The following PARP12 variants were observed in gnomAD, a reference collection of about 807,000 sequenced individuals.
The protein encoded by PARP12 is protein mono-ADP-ribosyltransferase PARP12.
PARP12 carries 59 observed loss-of-function variants against 72.4 expected under a neutral mutation model. That is an observed-to-expected ratio of 0.81 (90% confidence interval 0.66 to 1.01). The LOEUF (loss-of-function observed/expected upper bound fraction) is 1.01. Ranked by LOEUF, PARP12 falls within the 50% of genes least tolerant of loss-of-function variation. The probability of loss-of-function intolerance (pLI) is 0.00; values close to 1 mark genes in which losing one functional copy is unlikely to be tolerated. For synonymous variants in PARP12, 403 were observed against 371.4 expected, an observed-to-expected ratio of 1.09 and a Z score of -0.98; for missense variants, 851 against 914.0, an observed-to-expected ratio of 0.93 and a Z score of 0.89.
intron 4 of PARP12, among the ~76,000 whole-genome samples, chr7:140,047,908 A>G (rs1447096405): frequency 2.6e-5 from 4 of 152,154 alleles, no homozygotes; most frequent in African/African-American, 9.7e-5. Context: ...GAGCCACCAC[A>G]CCTGGCAATT....
chr7:140,046,833 T>TGTGTGTGTCA (rs1554514730), intron 5 of PARP12, 51 bp downstream of exon 5: 27,997 of 1,180,282 alleles, frequency 0.024, 1,549 homozygotes, highest in East Asian at 0.12. Flanking sequence ...TGTGTGTGTG[T>TGTGTGTGTCA]CACACACAGA....
chr7:140,030,576 C>T (rs945581856), intron 8 of PARP12, among the ~76,000 whole-genome samples: 4 of 152,196 alleles, frequency 2.6e-5, no homozygotes, highest in Non-Finnish European at 4.4e-5. Context: ...CTGGCCTGGG[C>T]GACAGTGCGA....
intron 2 of PARP12, 125 bp from the exon 3 acceptor site, chr7:140,057,278 A>G (rs1322729808): frequency 1.1e-6 from 1 of 894,332 alleles, no homozygotes; most frequent in Non-Finnish European, 1.7e-6. Context: ...CACACAGAAC[A>G]CAGCTATTAC....
chr7:140,034,186 C>T, intron 8 of PARP12, 49 bp downstream of exon 8: 1 of 1,593,292 alleles, frequency 6.3e-7, no homozygotes, highest in East Asian at 2.3e-5. Context: ...CTGCAGAGCA[C>T]ACCCCAGCTG....
At chr7:140,045,742 T>C (rs988021514) in intron 5 of PARP12, among the ~76,000 whole-genome samples, 1 of 152,114 alleles carries the variant, frequency 6.6e-6, no homozygotes, top group Admixed American at 6.5e-5. Context: ...AAAAGAAATA[T>C]ACAAAAAGTG....
chr7:140,053,327 C>T (rs956147740), intron 4 of PARP12, among the ~76,000 whole-genome samples: 7 of 152,066 alleles, frequency 4.6e-5, no homozygotes, highest in African/African-American at 1.7e-4. Flanking sequence ...ATGAGAGAAG[C>T]CAGGCACAAG....
intron 4 of PARP12, among the ~76,000 whole-genome samples, chr7:140,048,642 C>T (rs1036465727): frequency 1.3e-5 from 2 of 152,184 alleles, no homozygotes; most frequent in African/African-American, 2.4e-5. Flanking sequence ...CACACATGCA[C>T]ATATTATTTC....
chr7:140,041,940 G>C, intron 5 of PARP12, 101 bp from the exon 6 acceptor site: 2 of 1,015,812 alleles, frequency 2.0e-6, no homozygotes, highest in Non-Finnish European at 2.9e-6. Flanking sequence ...AATAGTAAAT[G>C]TGGCATGCAC....
rs1439451405 is a variant in PARP12, at chr7:140,057,082, G to A, written c.534C>T (p.Leu178=). 10 of 1,614,160 alleles carry A rather than the reference G, an allele frequency of 6.2e-6. No individual in the cohort carries two copies. Among genetic ancestry groups the A allele is most frequent in the Non-Finnish European group, 8.5e-6 (10 of 1,180,036 alleles). Residue 178 remains leucine, a synonymous_variant, in exon 3 of 12, where the codon CTC becomes CTT. Coordinates refer to ENST00000263549, the MANE Select transcript of PARP12 (RefSeq NM_022750.4). ...SCAFQKQCIK[L]HICQYFLQGE... is the part of the protein sequence containing the mutation. ...CCTGTAAAAAATACTGGCAGATATG[G>A]AGCTTGATGCACTGCTTTTGAAAGG...
chr7:140,057,833 T>C, intron 2 of PARP12, 66 bp downstream of exon 2: 1 of 1,592,200 alleles, frequency 6.3e-7, no homozygotes, highest in Non-Finnish European at 8.6e-7. Flanking sequence ...TCCCAGTCAT[T>C]ACATTTCCCA....
chr7:140,026,658 T>G (rs1815751649), intron 10 of PARP12, among the ~76,000 whole-genome samples: 1 of 152,230 alleles, frequency 6.6e-6, no homozygotes, highest in Admixed American at 6.5e-5. Context: ...ACCCCCACCT[T>G]GCTCCTGCAT....
At position 140,033,182 on chromosome 7, in the gene PARP12, T is replaced by G. The variant is rs142027060; in HGVS notation, c.1421+1053A>C. 1.1e-3 allele frequency: 1,047 copies of G among 985,186 alleles called. 7 individuals are homozygous for G. The African/African-American group carries it at 0.016, about 15-fold the overall frequency. The allele number at this position is 985,186 out of a possible 1,614,324, so 61.0% of individuals were successfully genotyped here. On this transcript the variant is annotated intron_variant, in intron 8 of 11. Coordinates refer to ENST00000263549, the MANE Select transcript of PARP12 (RefSeq NM_022750.4). The stretch of plus-strand genomic sequence containing the variant: ...TGTTGGGATTACAGGTGTGAGTCAC[T>G]GCACCCAGCGCAAAAATAAATTTTA...
chr7:140,053,455 T>C (rs1361296312), intron 4 of PARP12, among the ~76,000 whole-genome samples: 2 of 152,154 alleles, frequency 1.3e-5, no homozygotes, highest in Non-Finnish European at 2.9e-5. Context: ...TGAGGATTAA[T>C]TATAAAGGAG....
At position 140,027,914 on chromosome 7, in the gene PARP12, G is replaced by A. The variant is rs558331922; in HGVS notation, c.1498-508C>T. ...TACATGGTCCAAGGACCACAGAGTC[G>A]TCTAGACAAACATGTTGAACCCCTT... On this transcript the variant is annotated intron_variant, in intron 9 of 11. Coordinates refer to ENST00000263549, the MANE Select transcript of PARP12 (RefSeq NM_022750.4). Among the ~76,000 whole-genome samples the A allele has an allele frequency of 2.2e-4, 33 of 152,138 alleles. 1 individual carries two copies. The highest frequency in any genetic ancestry group is 2.1e-4 in the South Asian group (1 of 4,816).
intron 2 of PARP12, chr7:140,057,360 G>A: frequency 1.7e-6 from 1 of 593,756 alleles, no homozygotes; most frequent in Non-Finnish European, 2.9e-6. Context: ...AAAGGAGACT[G>A]CACAGAATCA....
At chr7:140,036,468 G>A (rs1816201341) in intron 7 of PARP12, among the ~76,000 whole-genome samples, 1 of 152,146 alleles carries the variant, frequency 6.6e-6, no homozygotes, top group Non-Finnish European at 1.5e-5. Flanking sequence ...GCACTCTAGA[G>A]GAGAAAAACT....
intron 4 of PARP12, among the ~76,000 whole-genome samples, 157 bp downstream of exon 4, chr7:140,054,505 C>A (rs745758145): frequency 1.4e-4 from 22 of 152,220 alleles, no homozygotes; most frequent in African/African-American, 5.1e-4. Context: ...AACTCCCCAA[C>A]AAAATACCTT....
chr7:140,046,720 CAGTGTGTG>C (rs1379323455), intron 5 of PARP12, among the ~76,000 whole-genome samples, 156 bp downstream of exon 5: 1 of 109,482 alleles, frequency 9.1e-6, no homozygotes, highest in African/African-American at 3.9e-5. Context: ...AGGTGGCTCA[CAGTGTGTG>C]TGTGTGTGTG....
chr7:140,052,928 G>C (rs552668090), intron 4 of PARP12, among the ~76,000 whole-genome samples: 1 of 152,186 alleles, frequency 6.6e-6, no homozygotes, highest in African/African-American at 2.4e-5. Flanking sequence ...TGATTAGAAT[G>C]GCTAAAACTT....
Sources: gnomAD v4.1 joint callset for allele counts (sites outside exome capture counted in the v4.1 genomes callset) on GRCh38, gnomAD v4.1.1 for gene constraint, MANE v1.5 for transcripts, NCBI Gene and HGNC (gene_info 2026-07-23, HGNC 2026-07-21) for gene names.